CEP135: variants seen among roughly 807,000 people sequenced by gnomAD.
CEP135 encodes centrosomal protein 135.
Under a neutral mutation model 157.3 loss-of-function variants are expected in CEP135, and 142 were observed. The observed-to-expected ratio is 0.90, with a 90% CI of 0.79 to 1.04. The LOEUF is 1.04. CEP135 is among the 50% of genes least tolerant of loss of function. The pLI, the probability that CEP135 is intolerant of heterozygous loss-of-function variation, is 0.00. For missense variants in CEP135, 1,317 were observed against 1,309.2 expected (o/e 1.01, Z -0.09); for synonymous variants, 396 against 439.8 (o/e 0.90, Z 1.25).
chr4:55,998,619 C>T (rs1242636271), intron 15 of CEP135, among the ~76,000 whole-genome samples: 1 of 152,174 alleles, frequency 6.6e-6, no homozygotes, highest in African/African-American at 2.4e-5. Flanking sequence ...AATCCCAGCA[C>T]TTTGGGAGAC....
At chr4:56,016,958 G>A (rs1236018711) in intron 21 of CEP135, among the ~76,000 whole-genome samples, 1 of 152,054 alleles carries the variant, frequency 6.6e-6, no homozygotes, top group African/African-American at 2.4e-5. Context: ...GCAGACGTGA[G>A]CCACCCAGCC....
chr4:56,024,749 C>T, intron 25 of CEP135, 135 bp downstream of exon 25: 1 of 616,390 alleles, frequency 1.6e-6, no homozygotes, highest in Non-Finnish European at 2.9e-6. Flanking sequence ...TGGAAAAGTT[C>T]TATATCTTGG....
chr4:56,013,414 C>T (rs909191059), intron 21 of CEP135, among the ~76,000 whole-genome samples: 1 of 151,834 alleles, frequency 6.6e-6, no homozygotes, highest in African/African-American at 2.4e-5. Flanking sequence ...GATGCCTATA[C>T]TTGTGGTGTC....
rs774438328 is a variant in CEP135 at position 55,964,410 on chromosome 4, CT to C, written c.828+12del. On this transcript the variant is annotated intron_variant, in intron 7 of 25. Coordinates refer to ENST00000257287, the MANE Select transcript of CEP135 (RefSeq NM_025009.5). ...GCTCATTTAAATATTCAGGTAATGG[CT>C]TTTATAATTATTTCACTGAGTGTAT... The C allele has an allele frequency of 1.7e-5, 27 of 1,583,942 alleles. No homozygotes were observed. The African/African-American group carries it at 3.4e-4, about 20-fold the overall frequency.
In CEP135 at chr4:55,995,719, C is replaced by A. The variant is rs114877056; in HGVS notation, c.2010-3583C>A. On this transcript the variant is annotated intron_variant, in intron 15 of 25. Transcript: ENST00000257287. ...AACCATTTACACCACTCAGGCCTTACGGAAATTGGCATCCAGCTGTAGTTT... is the reference window on the plus strand; with the variant it reads ...AACCATTTACACCACTCAGGCCTTAAGGAAATTGGCATCCAGCTGTAGTTT... Among the ~76,000 whole-genome samples, 231 of 152,252 alleles carry A rather than the reference C, an allele frequency of 1.5e-3. 1 individual carries two copies. The highest frequency in any genetic ancestry group is 2.4e-3 in the Non-Finnish European group (164 of 68,026).
chr4:55,979,259 G>C (rs1729322525), intron 11 of CEP135, among the ~76,000 whole-genome samples: 1 of 151,880 alleles, frequency 6.6e-6, no homozygotes, highest in Non-Finnish European at 1.5e-5. Context: ...ATAGGAAAAA[G>C]GCATACAAAT....
Position 55,985,425 on chromosome 4 carries a change from A to G in CEP135, c.1857+67A>G, listed in dbSNP as rs559719829. ...AATAACTATGTCAATTACAGTTTTA[A>G]TACACTATTTTTTAATTTTAATTTT... On this transcript the variant is annotated intron_variant, in intron 14 of 25. Coordinates refer to ENST00000257287, the MANE Select transcript of CEP135 (RefSeq NM_025009.5). The G allele has an allele frequency of 9.8e-5, 61 of 625,384 alleles. No homozygotes were observed. The African/African-American group carries it at 1.1e-3, about 11-fold the overall frequency. 38.7% of individuals were successfully genotyped at this position (625,384 alleles called of 1,614,324 possible). A position where few individuals can be genotyped will look rare whatever the true frequency, so the allele number is the denominator to read the frequency against.
At chr4:56,022,790 A>G (rs766366909) in intron 24 of CEP135, among the ~76,000 whole-genome samples, 1 of 152,158 alleles carries the variant, frequency 6.6e-6, no homozygotes, top group Non-Finnish European at 1.5e-5. Flanking sequence ...AGAGGGCTAG[A>G]TATATGTGCA....
chr4:56,009,156 TTG>T (rs1730473622), intron 18 of CEP135, among the ~76,000 whole-genome samples: 1 of 151,974 alleles, frequency 6.6e-6, no homozygotes, highest in East Asian at 1.9e-4. Flanking sequence ...ACTGTTTTTG[TTG>T]TTGTTGTTGT....
At position 55,953,361 on chromosome 4, in the gene CEP135, T is replaced by C. The variant is rs184621470; in HGVS notation, c.304+86T>C. On this transcript the variant is annotated intron_variant, in intron 3 of 25. Coordinates refer to ENST00000257287, the MANE Select transcript of CEP135 (RefSeq NM_025009.5). Reference sequence around the variant, plus strand: ...AAAAGCTAACGTCTAATTTTAAAACTATTGATTAGAAAATATAGTAGTCCT... The same window carrying C: ...AAAAGCTAACGTCTAATTTTAAAACCATTGATTAGAAAATATAGTAGTCCT... The C allele has an allele frequency of 3.3e-5, 34 of 1,038,060 alleles. No individual in the cohort carries two copies. In the East Asian group the frequency reaches 8.3e-4, roughly 25 times the overall value. 64.3% of individuals were successfully genotyped at this position (1,038,060 alleles called of 1,614,324 possible).
intron 14 of CEP135, among the ~76,000 whole-genome samples, chr4:55,986,041 C>T (rs1729570622): frequency 6.6e-6 from 1 of 152,150 alleles, no homozygotes; most frequent in Admixed American, 6.5e-5. Flanking sequence ...ATCTTTGCCT[C>T]CTATTACCTG....
At chr4:55,968,295 C>T (rs1728906371) in intron 8 of CEP135, among the ~76,000 whole-genome samples, 4 of 151,206 alleles carry the variant, frequency 2.6e-5, no homozygotes, top group South Asian at 2.1e-4. Context: ...ATTCCGTGTC[C>T]GTGGATTGGA....
intron 17 of CEP135, among the ~76,000 whole-genome samples, chr4:56,003,459 C>T (rs62308614): frequency 0.2 from 29,859 of 152,132 alleles, 3,318 homozygotes; most frequent in Non-Finnish European, 0.26. Context: ...CCGCCCGCCT[C>T]GGCCTTCCAA....
rs1431093224 is a variant in CEP135 at position 55,948,958 on chromosome 4, T to C, written c.-147T>C. On this transcript the variant is annotated 5_prime_UTR_variant, in exon 1 of 26. Coordinates refer to ENST00000257287, the MANE Select transcript of CEP135 (RefSeq NM_025009.5). Reference sequence around the variant, plus strand: ...TCCCTCCGCGCCATTTTCAAACTGCTCTAGCGCCGGAGCCCGTGCCTGGAC... The same window carrying C: ...TCCCTCCGCGCCATTTTCAAACTGCCCTAGCGCCGGAGCCCGTGCCTGGAC... The C allele has an allele frequency of 6.6e-6, 1 of 152,236 alleles. No individual in the cohort carries two copies. Among genetic ancestry groups the C allele is most frequent in the Non-Finnish European group, 1.5e-5 (1 of 68,068 alleles). The allele number at this position is 152,236 out of a possible 1,614,324, so 9.4% of individuals were successfully genotyped here. A position where few individuals can be genotyped will look rare whatever the true frequency, so the allele number is the denominator to read the frequency against.
chr4:55,996,301 T>C (rs1203243466), intron 15 of CEP135, among the ~76,000 whole-genome samples: 2 of 152,100 alleles, frequency 1.3e-5, no homozygotes. Context: ...TTAAAAATGT[T>C]TGTGGAGACA....
chr4:56,019,740 A>G (rs1730910092), intron 23 of CEP135, among the ~76,000 whole-genome samples, 185 bp downstream of exon 23: 1 of 151,912 alleles, frequency 6.6e-6, no homozygotes, highest in Non-Finnish European at 1.5e-5. Context: ...GTTTGAGACT[A>G]GCCTGGGCAA....
At chr4:56,019,676 C>G (rs1730907210) in intron 23 of CEP135, 121 bp downstream of exon 23, 2 of 731,486 alleles carry the variant, frequency 2.7e-6, no homozygotes, top group Admixed American at 6.2e-5. Flanking sequence ...TGGCTCACAC[C>G]TGTAATCCCA....
chr4:56,017,344 G>A (rs1041480907), intron 21 of CEP135, among the ~76,000 whole-genome samples: 1 of 151,924 alleles, frequency 6.6e-6, no homozygotes, highest in South Asian at 2.1e-4. Flanking sequence ...AAAATTTAAT[G>A]CAACCTCAAA....
chr4:55,984,938 A>C (rs770850547), intron 13 of CEP135, among the ~76,000 whole-genome samples: 35 of 152,118 alleles, frequency 2.3e-4, no homozygotes, highest in Non-Finnish European at 4.6e-4. Flanking sequence ...ATGAGGGCAT[A>C]CTCCTGAGCT....
Sources: allele counts gnomAD v4.1 joint callset (sites outside exome capture counted in the v4.1 genomes callset), GRCh38; gene constraint gnomAD v4.1.1; transcripts MANE v1.5; gene names NCBI Gene and HGNC (gene_info 2026-07-23, HGNC 2026-07-21).